PHACTR3: variants seen among roughly 807,000 people sequenced by gnomAD.
PHACTR3 encodes the protein protein phosphatase 1, regulatory subunit 123.
Under a neutral mutation model 66.8 loss-of-function variants are expected in PHACTR3, and 16 were observed. That is an observed-to-expected ratio of 0.24 (90% CI 0.16 to 0.36). PHACTR3 has a LOEUF of 0.36. Ranked by LOEUF, PHACTR3 falls within the 10% of genes least tolerant of loss-of-function variation. PHACTR3 has a pLI of 1.00. For missense variants in PHACTR3, 647 were observed against 719.9 expected (o/e 0.90, Z 1.16); for synonymous variants, 323 against 292.1 (o/e 1.11, Z -1.08).
rs150042405 is a variant in PHACTR3 at position 59,820,518 on chromosome 20, C to T, written c.1328+14324C>T. On this transcript the variant is annotated intron_variant, in intron 8 of 12. Transcript: ENST00000371015. The surrounding 1 kb of genome is among the most constrained non-coding windows in gnomAD (Gnocchi z 4.6). ...TCAGCCCCAGAGGATATAAATATGACGCTTCATCGTCTTGGGTGGAAGTCC... is the reference window on the plus strand; with the variant it reads ...TCAGCCCCAGAGGATATAAATATGATGCTTCATCGTCTTGGGTGGAAGTCC... 6.0e-3 allele frequency among the ~76,000 whole-genome samples: 914 copies of T among 152,266 alleles called. 10 individuals are homozygous for T. Among genetic ancestry groups the T allele is most frequent in the African/African-American group, 0.021 (862 of 41,526 alleles).
At chr20:59,780,227 T>C (rs1489806372) in intron 7 of PHACTR3, among the ~76,000 whole-genome samples, 5 of 152,336 alleles carry the variant, frequency 3.3e-5, no homozygotes, top group East Asian at 3.9e-4. Flanking sequence ...ACAGCAAGGC[T>C]GCAGGCTAGG....
intron 9 of PHACTR3, among the ~76,000 whole-genome samples, chr20:59,836,881 G>A (rs1050310665): frequency 3.3e-5 from 5 of 152,282 alleles, no homozygotes; most frequent in Middle Eastern, 3.4e-3. Context: ...CATGGCTATA[G>A]AAATCACAAA....
At chr20:59,728,281 T>C (rs2038636256) in intron 1 of PHACTR3, among the ~76,000 whole-genome samples, 1 of 152,108 alleles carries the variant, frequency 6.6e-6, no homozygotes, top group Non-Finnish European at 1.5e-5. Context: ...CTGCAGTGGG[T>C]GTCAGTGCTT....
intron 1 of PHACTR3, among the ~76,000 whole-genome samples, chr20:59,619,590 C>T (rs981418066): frequency 1.3e-5 from 2 of 152,064 alleles, no homozygotes; most frequent in African/African-American, 2.4e-5. Context: ...GCTGACACAC[C>T]GATTTCAGCC....
intron 1 of PHACTR3, among the ~76,000 whole-genome samples, chr20:59,698,190 G>A (rs2037369283): frequency 6.6e-6 from 1 of 152,148 alleles, no homozygotes; most frequent in Non-Finnish European, 1.5e-5. Flanking sequence ...AATTTCTATG[G>A]GAGGAAAATG....
chr20:59,824,079 C>T (rs1333955846), intron 8 of PHACTR3, among the ~76,000 whole-genome samples: 1 of 152,192 alleles, frequency 6.6e-6, no homozygotes, highest in Non-Finnish European at 1.5e-5. Context: ...TATCTAAGGC[C>T]TTCCCACTGA....
At chr20:59,606,044 G>T (rs1467975760) in intron 1 of PHACTR3, among the ~76,000 whole-genome samples, 2 of 152,222 alleles carry the variant, frequency 1.3e-5, no homozygotes, top group Admixed American at 6.5e-5. Context: ...ACTCAGTTTT[G>T]TATCTTAGAG....
chr20:59,638,703 G>A (rs1244864351), intron 1 of PHACTR3, among the ~76,000 whole-genome samples: 2 of 141,548 alleles, frequency 1.4e-5, no homozygotes, highest in African/African-American at 5.3e-5. Context: ...GGTGGGTGGA[G>A]GGATGGGTGG....
At chr20:59,768,727 A>G (rs574742269) in intron 5 of PHACTR3, among the ~76,000 whole-genome samples, 1 of 152,188 alleles carries the variant, frequency 6.6e-6, no homozygotes, top group Non-Finnish European at 1.5e-5. Context: ...ACTGCCCCTT[A>G]TGGGGTGAAT....
At chr20:59,759,397 A>T (rs753842229) in intron 4 of PHACTR3, among the ~76,000 whole-genome samples, 2 of 152,140 alleles carry the variant, frequency 1.3e-5, no homozygotes, top group Non-Finnish European at 2.9e-5. Flanking sequence ...AGAAATCCAG[A>T]TGTGCAGTTT....
intron 1 of PHACTR3, among the ~76,000 whole-genome samples, chr20:59,680,502 G>A (rs987907326): frequency 2.6e-5 from 4 of 152,124 alleles, no homozygotes; most frequent in African/African-American, 4.8e-5. Flanking sequence ...TGCAGTTTAC[G>A]CAGCATTTTC....
chr20:59,835,679 C>T (rs921538215), intron 8 of PHACTR3, among the ~76,000 whole-genome samples: 2 of 152,160 alleles, frequency 1.3e-5, no homozygotes, highest in African/African-American at 4.8e-5. Context: ...CCTCCTTCTC[C>T]TGACAAGCCC....
chr20:59,752,494 T>G (rs1229051453), intron 3 of PHACTR3, among the ~76,000 whole-genome samples: 5 of 141,084 alleles, frequency 3.5e-5, no homozygotes, highest in Non-Finnish European at 8.1e-5. Context: ...CAGGGCTATT[T>G]TGGGAACTGA....
At chr20:59,747,388 C>T (rs931939132) in intron 2 of PHACTR3, among the ~76,000 whole-genome samples, 2 of 152,134 alleles carry the variant, frequency 1.3e-5, no homozygotes, top group South Asian at 2.1e-4. Flanking sequence ...GGGGTGTTGG[C>T]GGCAGAGGGA....
At chr20:59,776,745 G>GGTTGAGCCA (rs2040551247) in intron 7 of PHACTR3, among the ~76,000 whole-genome samples, 1 of 150,920 alleles carries the variant, frequency 6.6e-6, no homozygotes, top group Non-Finnish European at 1.5e-5. Context: ...AACCCTCTGT[G>GGTTGAGCCA]GCAGCGTGGT....
intron 8 of PHACTR3, among the ~76,000 whole-genome samples, chr20:59,827,936 A>G (rs1371576175): frequency 1.3e-5 from 2 of 152,140 alleles, no homozygotes; most frequent in African/African-American, 2.4e-5. Flanking sequence ...TTGGAAACTC[A>G]GGGCAGCTCT....
intron 1 of PHACTR3, among the ~76,000 whole-genome samples, chr20:59,678,541 C>T (rs1228490118): frequency 1.3e-5 from 2 of 152,186 alleles, no homozygotes; most frequent in East Asian, 3.9e-4. Flanking sequence ...GCTCTTGGTG[C>T]TGAGCCTGTG....
At chr20:59,748,505 T>C (rs1165010779) in intron 3 of PHACTR3, among the ~76,000 whole-genome samples, 1 of 152,220 alleles carries the variant, frequency 6.6e-6, no homozygotes, top group Non-Finnish European at 1.5e-5. Context: ...TTTGTTTCCA[T>C]CTTTCAGAAA....
intron 1 of PHACTR3, among the ~76,000 whole-genome samples, chr20:59,657,155 C>G (rs1194225971): frequency 1.3e-5 from 2 of 151,852 alleles, no homozygotes; most frequent in African/African-American, 4.8e-5. Flanking sequence ...TGTCTTGTGT[C>G]ATTTTCTTAC....
Sources: gnomAD v4.1 joint callset for allele counts (sites outside exome capture counted in the v4.1 genomes callset) on GRCh38, gnomAD v4.1.1 for gene constraint, Gnocchi (gnomAD v3.1) non-coding constraint, MANE v1.5 for transcripts, NCBI Gene and HGNC (gene_info 2026-07-23, HGNC 2026-07-21) for gene names.